The following TMEM74 variants were observed in gnomAD, a reference collection of about 807,000 sequenced individuals.
The protein encoded by TMEM74 is transmembrane protein 74.
TMEM74 carries 13 observed loss-of-function variants against 18.1 expected under a neutral mutation model. The ratio of observed to expected loss-of-function variants is 0.72; its 90% confidence interval spans 0.47 to 1.14. The LOEUF (loss-of-function observed/expected upper bound fraction) is 1.14, where lower values mean the gene tolerates loss of function less well. Among genes scored for constraint, TMEM74 ranks in the 50% most tolerant of loss-of-function variants. TMEM74 has a pLI of 0.00. For missense variants in TMEM74, 372 were observed against 375.9 expected (o/e 0.99, Z 0.09); for synonymous variants, 159 against 146.6 (o/e 1.08, Z -0.61).
At chr8:108,667,770 C>A (rs1045764622) in intron 1 of TMEM74, among the ~76,000 whole-genome samples, 11 of 152,018 alleles carry the variant, frequency 7.2e-5, no homozygotes, top group African/African-American at 2.4e-4. Flanking sequence ...TATGTAGATT[C>A]CACACCTCTC....
intron 2 of TMEM74, chr8:108,626,730 T>C (rs1238562928): frequency 6.6e-6 from 1 of 152,044 alleles, no homozygotes; most frequent in African/African-American, 2.4e-5. Context: ...TGTTGAAATG[T>C]ATGCTATAAA....
intron 1 of TMEM74, among the ~76,000 whole-genome samples, chr8:108,750,140 C>T (rs76997271): frequency 6.6e-6 from 1 of 152,220 alleles, no homozygotes; most frequent in East Asian, 1.9e-4. Flanking sequence ...AGTTTGAAAA[C>T]TTTGAAAATC....
intron 1 of TMEM74, among the ~76,000 whole-genome samples, chr8:108,739,058 T>A (rs1054755338): frequency 6.6e-6 from 1 of 152,178 alleles, no homozygotes; most frequent in Non-Finnish European, 1.5e-5. Flanking sequence ...AAATAATGAA[T>A]GTTATTACAA....
At chr8:108,671,638 G>A (rs1424196693) in intron 1 of TMEM74, among the ~76,000 whole-genome samples, 10 of 152,122 alleles carry the variant, frequency 6.6e-5, no homozygotes, top group Admixed American at 5.2e-4. Context: ...AAAGCTGGTG[G>A]GGTGGAGAGA....
At chr8:108,759,830 C>T (rs751435339) in intron 1 of TMEM74, among the ~76,000 whole-genome samples, 3 of 152,044 alleles carry the variant, frequency 2.0e-5, no homozygotes, top group Admixed American at 1.3e-4. Flanking sequence ...GTAAGATAAA[C>T]GTGCTGGGTT....
At chr8:108,740,388 G>A (rs1007769503) in intron 1 of TMEM74, among the ~76,000 whole-genome samples, 5 of 152,128 alleles carry the variant, frequency 3.3e-5, no homozygotes, top group East Asian at 3.9e-4. Flanking sequence ...CTTCTGTCCC[G>A]TTCTATGGTC....
chr8:108,728,242 G>A (rs914042564), intron 1 of TMEM74, among the ~76,000 whole-genome samples: 2 of 152,144 alleles, frequency 1.3e-5, no homozygotes, highest in Non-Finnish European at 2.9e-5. Flanking sequence ...TGCTTGTATG[G>A]CTACAAGAAT....
intron 1 of TMEM74, among the ~76,000 whole-genome samples, chr8:108,751,465 T>C (rs1421783599): frequency 6.6e-6 from 1 of 152,070 alleles, no homozygotes; most frequent in African/African-American, 2.4e-5. Flanking sequence ...AATGTCAAGA[T>C]TATATATTTA....
chr8:108,657,880 A>G (rs1563742309), intron 1 of TMEM74, among the ~76,000 whole-genome samples: 7 of 103,564 alleles, frequency 6.8e-5, no homozygotes, highest in African/African-American at 2.5e-4. Flanking sequence ...ATATATATAT[A>G]TATATATATA....
intron 1 of TMEM74, among the ~76,000 whole-genome samples, chr8:108,727,463 G>A (rs906945283): frequency 6.6e-6 from 1 of 152,172 alleles, no homozygotes; most frequent in African/African-American, 2.4e-5. Flanking sequence ...GGAAGGAGAA[G>A]TGTACAGGAT....
intron 1 of TMEM74, among the ~76,000 whole-genome samples, chr8:108,673,810 C>T (rs1373530977): frequency 6.6e-6 from 1 of 152,146 alleles, no homozygotes; most frequent in South Asian, 2.1e-4. Flanking sequence ...TTGTCTTTGT[C>T]ATTTCTCTGG....
intron 1 of TMEM74, among the ~76,000 whole-genome samples, chr8:108,696,499 G>A (rs1298684072): frequency 6.6e-6 from 1 of 152,216 alleles, no homozygotes; most frequent in Non-Finnish European, 1.5e-5. Flanking sequence ...TGCTAGGTGT[G>A]CAAATAGCGG....
chr8:108,678,921 C>A (rs1479414624), intron 1 of TMEM74, among the ~76,000 whole-genome samples: 1 of 137,244 alleles, frequency 7.3e-6, no homozygotes, highest in Non-Finnish European at 1.5e-5. Flanking sequence ...CAACAGTACC[C>A]GGAGTGTGAT....
intron 1 of TMEM74, among the ~76,000 whole-genome samples, chr8:108,675,171 G>T: frequency 6.6e-6 from 1 of 152,158 alleles, no homozygotes; most frequent in African/African-American, 2.4e-5. Context: ...GTGGCAGCTG[G>T]CTCAGCAGCA....
In TMEM74 at chr8:108,706,071, C is replaced by T. The variant is rs529996945; in HGVS notation, n.120-50634G>A. ...GAGGACTGTGTTGGCAGCCAATGGC[C>T]GCAGGTGCTGAGAGCCACCATTGAT... On this transcript the variant is annotated intron_variant and non_coding_transcript_variant, in intron 1 of 3. Transcript: ENST00000518838. Among the ~76,000 whole-genome samples the T allele has an allele frequency of 5.9e-5, 9 of 152,288 alleles. No homozygotes were observed. The South Asian group carries it at 6.2e-4, about 11-fold the overall frequency.
At chr8:108,732,399 A>C (rs972707797) in intron 1 of TMEM74, among the ~76,000 whole-genome samples, 1 of 152,184 alleles carries the variant, frequency 6.6e-6, no homozygotes, top group African/African-American at 2.4e-5. Context: ...TTTTAAGACT[A>C]TAAAAAAGCT....
At position 108,781,778 on chromosome 8, in the gene TMEM74, T is replaced by C. The variant is rs1379461041; in HGVS notation, c.*2403A>G. ...ATGTGTTAGGTCTTTTTCTCCCCCGTTGAATATTTTTTTTCCAAAATGGCA... is the reference window on the plus strand; with the variant it reads ...ATGTGTTAGGTCTTTTTCTCCCCCGCTGAATATTTTTTTTCCAAAATGGCA... On this transcript the variant is annotated 3_prime_UTR_variant, in exon 2 of 2. Coordinates refer to ENST00000297459, the MANE Select transcript of TMEM74 (RefSeq NM_153015.3). Among the ~76,000 whole-genome samples, 1 of 152,178 alleles carries C rather than the reference T, an allele frequency of 6.6e-6. No homozygotes were observed. The highest frequency in any genetic ancestry group is 1.5e-5 in the Non-Finnish European group (1 of 68,024).
chr8:108,670,448 A>C (rs573133589), intron 1 of TMEM74, among the ~76,000 whole-genome samples: 1 of 152,308 alleles, frequency 6.6e-6, no homozygotes, highest in East Asian at 1.9e-4. Flanking sequence ...CATCGATGGA[A>C]TTTTGATACT....
chr8:108,611,397 G>A (rs1160300202), intron 2 of TMEM74, among the ~76,000 whole-genome samples: 2 of 152,164 alleles, frequency 1.3e-5, no homozygotes, highest in Admixed American at 6.5e-5. Flanking sequence ...TAAAATATCT[G>A]GGAATAAAGT....
Sources: gnomAD v4.1 joint callset for allele counts (sites outside exome capture counted in the v4.1 genomes callset) on GRCh38, gnomAD v4.1.1 for gene constraint, MANE v1.5 for transcripts, NCBI Gene and HGNC (gene_info 2026-07-23, HGNC 2026-07-21) for gene names.